Variants in HGF observed in about 807,000 individuals in gnomAD.
HGF encodes hepatocyte growth factor.
In HGF, 39 loss-of-function variants were observed where a neutral mutation model predicts 111.6. The observed-to-expected ratio is 0.35, with a 90% CI of 0.27 to 0.46. HGF has a LOEUF of 0.46. HGF is among the 20% of genes least tolerant of loss of function. HGF has a pLI of 1.00. For synonymous variants in HGF, 285 were observed against 294.8 expected (o/e 0.97, Z 0.34); for missense variants, 735 against 910.5 (o/e 0.81, Z 2.48).
intron 7 of HGF, among the ~76,000 whole-genome samples, chr7:81,733,583 T>G (rs1787734782): frequency 1.3e-5 from 2 of 152,112 alleles, no homozygotes; most frequent in Admixed American, 6.6e-5. Context: ...ATTTATTCCC[T>G]TTGACATTCA....
rs2115726604 is a variant in HGF at position 81,699,502 on chromosome 7, T to G, written c.*3079A>C. 6.6e-6 allele frequency: 1 copy of G among 151,758 alleles called. No homozygotes were observed. The highest frequency in any genetic ancestry group is 2.4e-5 in the African/African-American group (1 of 41,528). The allele number at this position is 151,758 out of a possible 1,614,324, so 9.4% of individuals were successfully genotyped here. Reference sequence around the variant, plus strand: ...CCTATATGTATGGGATGTAATTAATTATAATAGTATTTTTTGAATCTCAAT... The same window carrying G: ...CCTATATGTATGGGATGTAATTAATGATAATAGTATTTTTTGAATCTCAAT... On this transcript the variant is annotated 3_prime_UTR_variant, in exon 18 of 18. Coordinates refer to ENST00000222390, the MANE Select transcript of HGF (RefSeq NM_000601.6).
intron 7 of HGF, 83 bp from the exon 8 acceptor site, chr7:81,729,862 T>C (rs1787587673): frequency 1.6e-6 from 2 of 1,285,878 alleles, no homozygotes; most frequent in Admixed American, 2.0e-5. Flanking sequence ...CATTGGCATT[T>C]GTATTAGCAG....
At chr7:81,756,122 A>G (rs1044519241) in intron 4 of HGF, 25 of 692,972 alleles carry the variant, frequency 3.6e-5, no homozygotes, top group Admixed American at 1.0e-4. Flanking sequence ...CATGCCCTGA[A>G]GTTGTTAAAA....
At chr7:81,740,118 T>C (rs1185249532) in intron 7 of HGF, among the ~76,000 whole-genome samples, 2 of 152,188 alleles carry the variant, frequency 1.3e-5, no homozygotes, top group Non-Finnish European at 2.9e-5. Flanking sequence ...AAGCACCTCT[T>C]TGTGGGTGTT....
intron 3 of HGF, among the ~76,000 whole-genome samples, chr7:81,758,291 T>C (rs1788882825): frequency 6.6e-6 from 1 of 152,060 alleles, no homozygotes; most frequent in South Asian, 2.1e-4. Flanking sequence ...TCACTATAAT[T>C]TAGTTATCCA....
intron 6 of HGF, 115 bp downstream of exon 6, chr7:81,744,885 T>C (rs558149110): frequency 8.6e-7 from 1 of 1,165,674 alleles, no homozygotes; most frequent in Admixed American, 1.8e-5. Context: ...CTAAATGTTA[T>C]GTTCATGTCC....
chr7:81,768,285 C>G (rs1225497354), intron 1 of HGF, among the ~76,000 whole-genome samples: 3 of 152,198 alleles, frequency 2.0e-5, no homozygotes. Flanking sequence ...AGAACAGTGA[C>G]ATTTTAATCT....
intron 7 of HGF, among the ~76,000 whole-genome samples, chr7:81,737,707 TA>T (rs1458282628): frequency 3.3e-5 from 5 of 152,154 alleles, no homozygotes; most frequent in Non-Finnish European, 7.4e-5. Flanking sequence ...TATTTTCCAT[TA>T]AAATATATTT....
chr7:81,748,600 G>A (rs2214827), intron 5 of HGF, among the ~76,000 whole-genome samples: 126,165 of 152,136 alleles, frequency 0.83, 52,908 homozygotes, highest in African/African-American at 0.95. Flanking sequence ...ATATGTAGGA[G>A]TGCCCTTTGG....
At chr7:81,745,163 A>G in intron 5 of HGF, 43 bp from the exon 6 acceptor site, 1 of 1,607,254 alleles carries the variant, frequency 6.2e-7, no homozygotes, top group Non-Finnish European at 8.5e-7. Flanking sequence ...TTCTGACAGC[A>G]AAATCAAAAA....
At chr7:81,733,818 T>C (rs1053327268) in intron 7 of HGF, among the ~76,000 whole-genome samples, 4 of 152,144 alleles carry the variant, frequency 2.6e-5, no homozygotes, top group African/African-American at 9.6e-5. Flanking sequence ...ATATAAATGT[T>C]TGATCTTTGC....
intron 9 of HGF, among the ~76,000 whole-genome samples, chr7:81,722,911 AT>A (rs1197904302): frequency 2.6e-5 from 4 of 151,128 alleles, no homozygotes; most frequent in African/African-American, 7.3e-5. Flanking sequence ...AAAATATTCT[AT>A]ACTTTTAAAT....
intron 2 of HGF, among the ~76,000 whole-genome samples, chr7:81,760,148 G>A (rs1006591446): frequency 1.3e-5 from 2 of 152,100 alleles, no homozygotes; most frequent in African/African-American, 4.8e-5. Flanking sequence ...CTTCTTTTAG[G>A]TTTGACTTTT....
chr7:81,744,302 GATT>G (rs1475920117), intron 6 of HGF, among the ~76,000 whole-genome samples: 1,519 of 66,952 alleles, frequency 0.023, 36 homozygotes, highest in African/African-American at 0.095. Context: ...AAGTAGACAT[GATT>G]TTTTTTTTTT....
intron 7 of HGF, among the ~76,000 whole-genome samples, chr7:81,734,516 T>C (rs1787762514): frequency 2.0e-5 from 3 of 152,132 alleles, no homozygotes; most frequent in Admixed American, 2.0e-4. Flanking sequence ...AATTTGGAAG[T>C]GAATTTTAAG....
rs760093179 is a variant in HGF at position 81,705,673 on chromosome 7, C to A, written c.1838G>T (p.Ser613Ile). Residue 613 changes from serine to isoleucine, a missense_variant, in exon 16 of 18, where the codon AGT (serine) becomes ATT (isoleucine). Physicochemically the swap from Ser to Ile is moderately radical, Grantham distance 142 (BLOSUM62 -2). Transcript: ENST00000222390. ...GCTIPEKTSC[S>I]VYGWGYTGLI... ...TCCAGTGTAGCCCCAGCCATAAACA[C>A]TGCAACTGGTCTTTTCAGGAATTGT... 2 of 1,611,940 alleles carry A rather than the reference C, an allele frequency of 1.2e-6. No individual in the cohort carries two copies. Among genetic ancestry groups the A allele is most frequent in the Non-Finnish European group, 1.7e-6 (2 of 1,178,332 alleles).
chr7:81,730,797 A>G (rs970271839), intron 7 of HGF, among the ~76,000 whole-genome samples: 1 of 152,188 alleles, frequency 6.6e-6, no homozygotes, highest in African/African-American at 2.4e-5. Flanking sequence ...ATAAAAGTGT[A>G]AACTTCCCAG....
chr7:81,725,937 A>G lies in HGF; in HGVS notation c.1121T>C (p.Val374Ala), dbSNP rs1234503238. The change falls in exon 9 of 18, where the codon GTT (valine) becomes GCT (alanine). Residue 374 changes from valine (V) to alanine (A), a missense_variant. By Grantham distance (64) the Val-to-Ala change is moderately conservative. Around this residue, in one of 3 missense-constraint regions of HGF, gnomAD observed 553 missense variants for 685.6 expected, o/e 0.81. Transcript: ENST00000222390. Reference protein sequence around the residue: ...WCFTTDPNIRVGYCSQIPNCD... With the variant: ...WCFTTDPNIRAGYCSQIPNCD... The stretch of plus-strand genomic sequence containing the variant: ...GTTTGGAATTTGGGAGCAGTAGCCA[A>G]CTCGGATGTTTGGATCAGTGGTAAA... The G allele has an allele frequency of 1.2e-6, 2 of 1,613,962 alleles. No homozygotes were observed. The highest frequency in any genetic ancestry group is 2.2e-5 in the East Asian group (1 of 44,872).
At chr7:81,758,897 G>A in intron 2 of HGF, 93 bp from the exon 3 acceptor site, 1 of 782,982 alleles carries the variant, frequency 1.3e-6, no homozygotes, top group Non-Finnish European at 2.2e-6. Context: ...ATGGGCATAT[G>A]GACAATATAG....
Sources: gnomAD v4.1 joint callset for allele counts (sites outside exome capture counted in the v4.1 genomes callset) on GRCh38, gnomAD v4.1.1 for gene constraint, gnomAD v4.1.1 regional missense constraint, MANE v1.5 for transcripts, NCBI Gene and HGNC (gene_info 2026-07-23, HGNC 2026-07-21) for gene names.